The following BRD10 variants were observed in gnomAD, a reference collection of about 807,000 sequenced individuals.
BRD10 encodes the protein bromodomain containing 10.
the BRD10 span, chr9:5,921,564 C>G: frequency 1.2e-6 from 2 of 1,613,886 alleles, no homozygotes; most frequent in Admixed American, 1.7e-5. Flanking sequence ...ATAGATGGAG[C>G]TGATACCAGC....
At chr9:5,927,473 G>T in the BRD10 span, among the ~76,000 whole-genome samples, 2 of 151,918 alleles carry the variant, frequency 1.3e-5, no homozygotes, top group Non-Finnish European at 2.9e-5. Context: ...TCCAGATACT[G>T]CTCCATTTCT....
chr9:5,912,469 C>T, the BRD10 span, among the ~76,000 whole-genome samples: 9 of 151,958 alleles, frequency 5.9e-5, no homozygotes, highest in Non-Finnish European at 1.3e-4. Context: ...GGTTGGGGAA[C>T]GGGCCTTGAA....
At chr9:5,954,818 C>T in the BRD10 span, among the ~76,000 whole-genome samples, 5 of 152,200 alleles carry the variant, frequency 3.3e-5, no homozygotes, top group South Asian at 4.1e-4. Flanking sequence ...AGACCAGGCG[C>T]GGTGGCTCAC....
chr9:5,928,027 C>T, the BRD10 span, among the ~76,000 whole-genome samples: 4 of 152,112 alleles, frequency 2.6e-5, no homozygotes, highest in African/African-American at 9.7e-5. Flanking sequence ...ATGTTCAAAT[C>T]CAACTCTTCA....
At chr9:5,888,367 T>C in the BRD10 span, among the ~76,000 whole-genome samples, 2 of 152,368 alleles carry the variant, frequency 1.3e-5, no homozygotes, top group Non-Finnish European at 2.9e-5. Flanking sequence ...AATACATTCT[T>C]AAATAAATGT....
At chr9:5,905,011 G>A in the BRD10 span, among the ~76,000 whole-genome samples, 2 of 151,692 alleles carry the variant, frequency 1.3e-5, no homozygotes, top group African/African-American at 4.8e-5. Context: ...CTGACCTCGT[G>A]ATCCACACGC....
chr9:5,943,019 A>G, the BRD10 span, among the ~76,000 whole-genome samples: 1 of 152,158 alleles, frequency 6.6e-6, no homozygotes, highest in Non-Finnish European at 1.5e-5. Context: ...CTGGGACTAC[A>G]GGCATGCACC....
At chr9:6,005,840 C>T in the BRD10 span, among the ~76,000 whole-genome samples, 1 of 152,110 alleles carries the variant, frequency 6.6e-6, no homozygotes, top group South Asian at 2.1e-4. Flanking sequence ...ATTTACAAAG[C>T]AAATATGTGA....
At chr9:5,930,764 G>T in the BRD10 span, among the ~76,000 whole-genome samples, 8 of 152,210 alleles carry the variant, frequency 5.3e-5, no homozygotes, top group Non-Finnish European at 1.2e-4. Context: ...GTACACAAAG[G>T]ACGCAAGTTA....
the BRD10 span, among the ~76,000 whole-genome samples, chr9:5,948,849 T>G: frequency 6.6e-6 from 1 of 152,146 alleles, no homozygotes; most frequent in Admixed American, 6.5e-5. Flanking sequence ...AAATTTATAT[T>G]GTATTTAAAC....
the BRD10 span, among the ~76,000 whole-genome samples, chr9:5,902,057 C>T: frequency 6.6e-6 from 1 of 152,278 alleles, no homozygotes; most frequent in Admixed American, 6.5e-5. Context: ...TTGCTTCTAT[C>T]TTCTGAAAGA....
At chr9:5,901,404 G>T in the BRD10 span, among the ~76,000 whole-genome samples, 1 of 152,116 alleles carries the variant, frequency 6.6e-6, no homozygotes, top group Non-Finnish European at 1.5e-5. Context: ...CTCGTTTATT[G>T]AGAGTTTTAA....
the BRD10 span, among the ~76,000 whole-genome samples, chr9:5,952,799 G>A: frequency 7.9e-5 from 12 of 152,134 alleles, no homozygotes; most frequent in African/African-American, 2.7e-4. Flanking sequence ...AGCAGTGGAC[G>A]CGTGATGATG....
chr9:5,880,638 T>C, the BRD10 span, among the ~76,000 whole-genome samples: 1 of 152,154 alleles, frequency 6.6e-6, no homozygotes, highest in Non-Finnish European at 1.5e-5. Flanking sequence ...AACATGACTC[T>C]GACCTTGGGC....
the BRD10 span, among the ~76,000 whole-genome samples, chr9:5,917,260 A>G: frequency 6.6e-6 from 1 of 152,248 alleles, no homozygotes; most frequent in South Asian, 2.1e-4. Context: ...GAGGTATGAC[A>G]AGGACAGGGA....
the BRD10 span, among the ~76,000 whole-genome samples, chr9:5,935,803 C>G: frequency 1.3e-5 from 2 of 152,180 alleles, no homozygotes; most frequent in Non-Finnish European, 2.9e-5. Flanking sequence ...CAACGCCTAA[C>G]TCTGACAGAA....
At chr9:5,929,185 C>T in the BRD10 span, 11 of 1,138,104 alleles carry the variant, frequency 9.7e-6, no homozygotes, top group Non-Finnish European at 1.2e-5. Flanking sequence ...AAAGTAAATC[C>T]CTTAGATTTA....
chr9:5,931,491 G>A, the BRD10 span, among the ~76,000 whole-genome samples: 1 of 152,106 alleles, frequency 6.6e-6, no homozygotes, highest in Non-Finnish European at 1.5e-5. Context: ...TGTATATAAG[G>A]AAGGAAGCTT....
the BRD10 span, chr9:5,909,787 A>G: frequency 6.6e-5 from 10 of 152,224 alleles, no homozygotes; most frequent in African/African-American, 2.4e-4. Flanking sequence ...TCTCACAAGA[A>G]TGTGCAGAAG....
Sources: allele counts gnomAD v4.1 joint callset (sites outside exome capture counted in the v4.1 genomes callset), GRCh38; gene constraint gnomAD v4.1.1; transcripts MANE v1.5; gene names NCBI Gene and HGNC (gene_info 2026-07-23, HGNC 2026-07-21).